The following MEIS2 variants were observed in gnomAD, a reference collection of about 807,000 sequenced individuals.
MEIS2 encodes homeobox protein Meis2.
A neutral mutation model predicts 58.6 loss-of-function variants in MEIS2; 9 were observed. That is an observed-to-expected ratio of 0.15 (90% CI 0.09 to 0.27). MEIS2 has a LOEUF of 0.27. Ranked by LOEUF, MEIS2 falls within the 10% of genes least tolerant of loss-of-function variation. The pLI, the probability that MEIS2 is intolerant of heterozygous loss-of-function variation, is 1.00. For synonymous variants in MEIS2, 221 were observed against 228.4 expected (o/e 0.97, Z 0.29); for missense variants, 427 against 635.0 (o/e 0.67, Z 3.52).
intron 1 of MEIS2, 145 bp from the exon 2 acceptor site, chr15:37,098,344 G>C: frequency 4.9e-6 from 6 of 1,221,424 alleles, no homozygotes; most frequent in Non-Finnish European, 6.2e-6. Flanking sequence ...GGAGGTAAGA[G>C]AGAAGAGAGG....
At chr15:37,077,644 G>T (rs1258563558) in intron 7 of MEIS2, among the ~76,000 whole-genome samples, 1 of 151,938 alleles carries the variant, frequency 6.6e-6, no homozygotes, top group East Asian at 1.9e-4. Context: ...TGCACAACCT[G>T]TTCATGATTA....
At chr15:36,992,542 G>A (rs1453426969) in intron 8 of MEIS2, among the ~76,000 whole-genome samples, 2 of 152,100 alleles carry the variant, frequency 1.3e-5, no homozygotes, top group African/African-American at 4.8e-5. Flanking sequence ...GTCATTTACT[G>A]TAAATGGTGT....
At chr15:36,899,167 C>A (rs1296539673) in intron 9 of MEIS2, among the ~76,000 whole-genome samples, 1 of 152,124 alleles carries the variant, frequency 6.6e-6, no homozygotes, top group South Asian at 2.1e-4. Flanking sequence ...ATAATTCTAC[C>A]ACATTCTTTC....
chr15:37,068,616 C>T (rs1047872239), intron 7 of MEIS2, among the ~76,000 whole-genome samples: 2 of 152,116 alleles, frequency 1.3e-5, no homozygotes, highest in Non-Finnish European at 2.9e-5. Flanking sequence ...GATGAGTGGC[C>T]CTCCATAATC....
At chr15:36,952,595 CTG>C (rs1285160231) in intron 8 of MEIS2, among the ~76,000 whole-genome samples, 9 of 84,662 alleles carry the variant, frequency 1.1e-4, no homozygotes, top group Non-Finnish European at 2.0e-4. Flanking sequence ...GTCTGTCTGT[CTG>C]TCTCTCTCTC....
intron 6 of MEIS2, among the ~76,000 whole-genome samples, chr15:37,092,904 A>G (rs1417214791): frequency 6.6e-6 from 1 of 151,348 alleles, no homozygotes; most frequent in African/African-American, 2.4e-5. Context: ...CCACTAACCT[A>G]TGGTTACTCA....
At chr15:36,897,240 G>A (rs969369854) in intron 9 of MEIS2, 1 of 154,136 alleles carries the variant, frequency 6.5e-6, no homozygotes, top group African/African-American at 2.4e-5. Flanking sequence ...GTAAAGTTAG[G>A]GGTCATTCAG....
chr15:37,079,085 T>C (rs986672653), intron 7 of MEIS2, among the ~76,000 whole-genome samples: 1 of 152,126 alleles, frequency 6.6e-6, no homozygotes, highest in African/African-American at 2.4e-5. Context: ...TCTTTGGATG[T>C]TTGCTGATGG....
chr15:37,047,240 C>G (rs879704778), intron 7 of MEIS2, among the ~76,000 whole-genome samples: 2 of 152,156 alleles, frequency 1.3e-5, no homozygotes, highest in Non-Finnish European at 2.9e-5. Context: ...AATGTCCACT[C>G]AAGTCCCAGC....
At chr15:37,099,378 A>G (rs1894826325) in intron 1 of MEIS2, 77 bp downstream of exon 1, 23 of 1,593,146 alleles carry the variant, frequency 1.4e-5, no homozygotes, top group Middle Eastern at 3.4e-4. Flanking sequence ...GAAGCGTTGA[A>G]GGGAGAGGAG....
At chr15:36,894,825 T>C (rs1567018140) in intron 11 of MEIS2, 2 of 1,597,538 alleles carry the variant, frequency 1.3e-6, no homozygotes, top group Non-Finnish European at 1.7e-6. Flanking sequence ...AGAAAGGAGA[T>C]AAAATCCAAG....
chr15:36,959,229 T>C (rs1201476628), intron 8 of MEIS2, among the ~76,000 whole-genome samples: 1 of 152,174 alleles, frequency 6.6e-6, no homozygotes, highest in East Asian at 1.9e-4. Context: ...TTATGGAACA[T>C]CTTGTTTCTA....
intron 8 of MEIS2, among the ~76,000 whole-genome samples, chr15:36,954,929 T>C (rs2058902397): frequency 6.6e-6 from 1 of 152,230 alleles, no homozygotes; most frequent in Non-Finnish European, 1.5e-5. Flanking sequence ...TTCATTTTGA[T>C]GATGCCACTC....
chr15:36,898,411 C>T (rs748914989), intron 9 of MEIS2: 7 of 152,242 alleles, frequency 4.6e-5, no homozygotes, highest in Non-Finnish European at 1.5e-5. Context: ...GGCTCTTCTC[C>T]TTGAAGTTTC....
At chr15:37,078,442 A>C (rs76435083) in intron 7 of MEIS2, among the ~76,000 whole-genome samples, 1 of 143,130 alleles carries the variant, frequency 7.0e-6, no homozygotes, top group Non-Finnish European at 1.5e-5. Flanking sequence ...ATTAATTTTG[A>C]AAAAAAAAAA....
chr15:36,996,509 ATAT>A (rs751410935), intron 8 of MEIS2, among the ~76,000 whole-genome samples: 19 of 152,168 alleles, frequency 1.2e-4, no homozygotes, highest in Middle Eastern at 3.2e-3. Flanking sequence ...CTGCTGCTGT[ATAT>A]TGTTGTTTAG....
rs964950195 is a variant in MEIS2, at chr15:36,952,167, C to T, written c.901-1767G>A. 2.6e-5 allele frequency among the ~76,000 whole-genome samples: 4 copies of T among 152,116 alleles called. No homozygotes were observed. In the East Asian group the frequency reaches 7.7e-4, roughly 29 times the overall value. The stretch of plus-strand genomic sequence containing the variant: ...TGCACAAACAAGAAGGATTGCTCAT[C>T]ACTGACGCCAGTGTGGCTTCAAACT... On this transcript the variant is annotated intron_variant, in intron 8 of 11. Transcript: ENST00000561208.
At chr15:36,920,162 T>G (rs866532166) in intron 9 of MEIS2, among the ~76,000 whole-genome samples, 1 of 147,658 alleles carries the variant, frequency 6.8e-6, no homozygotes, top group Non-Finnish European at 1.5e-5. Flanking sequence ...TTATTTATTT[T>G]TATTTTGACA....
At chr15:36,912,416 G>C (rs1207799412) in intron 9 of MEIS2, among the ~76,000 whole-genome samples, 3 of 152,176 alleles carry the variant, frequency 2.0e-5, no homozygotes, top group African/African-American at 7.2e-5. Flanking sequence ...TTGCACAAAG[G>C]CAGCAAAAGT....
Sources: gnomAD v4.1 joint callset for allele counts (sites outside exome capture counted in the v4.1 genomes callset) on GRCh38, gnomAD v4.1.1 for gene constraint, MANE v1.5 for transcripts, NCBI Gene and HGNC (gene_info 2026-07-23, HGNC 2026-07-21) for gene names.